WHAMM: variants seen among roughly 807,000 people sequenced by gnomAD.
WHAMM encodes the protein WASP homolog-associated protein with actin, membranes and microtubules.
In WHAMM, 67 loss-of-function variants were observed where a neutral mutation model predicts 76.5. The observed-to-expected ratio is 0.88, with a 90% CI of 0.72 to 1.07. The LOEUF (loss-of-function observed/expected upper bound fraction) is 1.07, where lower values mean the gene tolerates loss of function less well. WHAMM is among the 50% of genes least tolerant of loss of function. The pLI, the probability that WHAMM is intolerant of heterozygous loss-of-function variation, is 0.00. For missense variants in WHAMM, 1,021 were observed against 1,051.1 expected, an observed-to-expected ratio of 0.97 and a Z score of 0.40; for synonymous variants, 419 against 422.1, an observed-to-expected ratio of 0.99 and a Z score of 0.09.
In WHAMM at chr15:82,833,717, T is replaced by TCTCA. The variant is rs2051079371; in HGVS notation, c.*185_*188dup. ...TTTTTTTTTCTTTTTTGAGATGGAG[T>TCTCA]CTCACTCTGTCGCCCAGGCTGGGGT... On this transcript the variant is annotated 3_prime_UTR_variant, in exon 10 of 10. Coordinates refer to ENST00000286760, the MANE Select transcript of WHAMM (RefSeq NM_001080435.3). The TCTCA allele has an allele frequency of 3.1e-6, 2 of 637,082 alleles. No homozygotes were observed. The highest frequency in any genetic ancestry group is 2.6e-6 in the Non-Finnish European group (1 of 383,926). 39.5% of individuals were successfully genotyped at this position (637,082 alleles called of 1,614,324 possible).
intron 2 of WHAMM, among the ~76,000 whole-genome samples, chr15:82,814,415 A>C (rs555371377): frequency 7.2e-5 from 11 of 152,286 alleles, no homozygotes; most frequent in African/African-American, 2.4e-4. Flanking sequence ...TTGAAAGTCT[A>C]TTATTTGGAA....
rs202021619 is a variant in WHAMM at position 82,823,299 on chromosome 15, C to T, written c.1458+12C>T. 457 of 1,421,120 alleles carry T rather than the reference C, an allele frequency of 3.2e-4. 1 individual carries two copies. Among genetic ancestry groups the T allele is most frequent in the Middle Eastern group, 7.6e-4 (4 of 5,278 alleles). 88.0% of individuals were successfully genotyped at this position (1,421,120 alleles called of 1,614,324 possible). On this transcript the variant is annotated intron_variant, in intron 6 of 9. Transcript: ENST00000286760. ...TCCGGAGTAGAAAGGTAGGTACGCT[C>T]AGAGCGGCTTTCTTTTCTTTTCTCT...
At position 82,818,033 on chromosome 15, in the gene WHAMM, C is replaced by A. The variant is rs1470457653; in HGVS notation, c.1048C>A (p.Leu350Ile). 6.4e-7 allele frequency: 1 copy of A among 1,550,910 alleles called. No individual in the cohort carries two copies. Residue 350 changes from leucine to isoleucine, a missense_variant, in exon 4 of 10, where the codon CTC becomes ATC. Around this residue, in one of 3 missense-constraint regions of WHAMM, gnomAD observed 501 missense variants for 524.9 expected, o/e 0.95. Transcript: ENST00000286760. ...QLMLARETLQ[L>I]MRAKELCLNH... ...AATGCTAGCTCGAGAGACTCTGCAA[C>A]TCATGAGAGCGAAAGAGTTGTGTTT...
chr15:82,822,171 T>C (rs2050838756), intron 5 of WHAMM, among the ~76,000 whole-genome samples: 1 of 152,162 alleles, frequency 6.6e-6, no homozygotes, highest in Non-Finnish European at 1.5e-5. Flanking sequence ...AAAAAATCAA[T>C]ATGTAATCAA....
chr15:82,821,422 A>G (rs2050824984), intron 5 of WHAMM, among the ~76,000 whole-genome samples: 1 of 152,120 alleles, frequency 6.6e-6, no homozygotes, highest in Non-Finnish European at 1.5e-5. Flanking sequence ...ATTTATTTTG[A>G]TTGTCGTAGG....
At chr15:82,813,644 T>A (rs1029665670) in intron 2 of WHAMM, among the ~76,000 whole-genome samples, 1 of 141,192 alleles carries the variant, frequency 7.1e-6, no homozygotes, top group African/African-American at 2.6e-5. Flanking sequence ...TTTCTGGTGA[T>A]GAATTTTTTT....
rs770884444 is a variant in WHAMM at position 82,830,901 on chromosome 15, A to ACCG, written c.1950_1952dup (p.Pro658dup). The ACCG allele has an allele frequency of 6.8e-6, 9 of 1,322,944 alleles. No individual in the cohort carries two copies. The highest frequency in any genetic ancestry group is 4.7e-5 in the African/African-American group (3 of 64,286). 82.0% of individuals were successfully genotyped at this position (1,322,944 alleles called of 1,614,324 possible). A position where few individuals can be genotyped will look rare whatever the true frequency, so the allele number is the denominator to read the frequency against. ...CACCTCCTCCTCCTCCACCACCACC[A>ACCG]CCGCCGCCACCGCCGCCCCCACCCC... On this transcript the variant is annotated inframe_insertion, in exon 9 of 10. Transcript: ENST00000286760.
At chr15:82,816,315 C>T (rs1292477132) in intron 2 of WHAMM, among the ~76,000 whole-genome samples, 6 of 152,176 alleles carry the variant, frequency 3.9e-5, no homozygotes, top group Admixed American at 3.9e-4. Flanking sequence ...GTAACAACAG[C>T]TAATACTTAA....
At chr15:82,823,402 G>A in intron 6 of WHAMM, 115 bp downstream of exon 6, 1 of 910,868 alleles carries the variant, frequency 1.1e-6, no homozygotes, top group Non-Finnish European at 1.5e-6. Context: ...CATTTTGTGT[G>A]CTTATGTACT....
intron 8 of WHAMM, among the ~76,000 whole-genome samples, chr15:82,829,522 G>T (rs778075951): frequency 3.9e-5 from 6 of 152,254 alleles, no homozygotes; most frequent in Non-Finnish European, 8.8e-5. Flanking sequence ...ACAGAAGGCT[G>T]CAGGACGGCA....
intron 8 of WHAMM, 50 bp downstream of exon 8, chr15:82,826,896 A>C (rs2050945832): frequency 1.3e-6 from 2 of 1,499,038 alleles, no homozygotes; most frequent in Non-Finnish European, 1.8e-6. Flanking sequence ...GAAATAACTG[A>C]AGACCACCCT....
At chr15:82,815,950 A>G (rs1453321252) in intron 2 of WHAMM, among the ~76,000 whole-genome samples, 2 of 152,082 alleles carry the variant, frequency 1.3e-5, no homozygotes, top group African/African-American at 2.4e-5. Context: ...TTTTTTTCAC[A>G]GTTCTGGAGG....
chr15:82,818,756 C>T (rs1462630494), intron 4 of WHAMM, among the ~76,000 whole-genome samples: 1 of 152,228 alleles, frequency 6.6e-6, no homozygotes, highest in Non-Finnish European at 1.5e-5. Context: ...GTGGCTTAAA[C>T]AACGGACATG....
chr15:82,818,632 G>T (rs1566993491), intron 4 of WHAMM, among the ~76,000 whole-genome samples: 1 of 152,196 alleles, frequency 6.6e-6, no homozygotes, highest in African/African-American at 2.4e-5. Flanking sequence ...ATACTTCACT[G>T]CATAGTCACT....
Position 82,831,007 on chromosome 15 carries a change from C to T in WHAMM, c.2050C>T (p.Gln684Ter), listed in dbSNP as rs1473681597. The T allele has an allele frequency of 1.9e-6, 3 of 1,611,686 alleles. No homozygotes were observed. Among genetic ancestry groups the T allele is most frequent in the East Asian group, 2.2e-5 (1 of 44,842 alleles). ...CTTCCGGGCTCCAGTGAAAGATGACCAGCCACGTCCTCTAGTGTGCGAATC... is the reference window on the plus strand; with the variant it reads ...CTTCCGGGCTCCAGTGAAAGATGACTAGCCACGTCCTCTAGTGTGCGAATC... ...LGFRAPVKDDQPRPLVCESPA... is the reference protein window; with the variant it reads ...LGFRAPVKDD The change falls in exon 9 of 10, where the codon CAG (glutamine) becomes TAG (stop). Residue 684 changes from glutamine to a stop codon, truncating the protein, a stop_gained. Transcript: ENST00000286760. LOFTEE classifies it high-confidence loss of function.
At chr15:82,824,208 A>T (rs1447134108) in intron 6 of WHAMM, among the ~76,000 whole-genome samples, 2 of 129,806 alleles carry the variant, frequency 1.5e-5, no homozygotes, top group African/African-American at 2.9e-5. Flanking sequence ...CCTAGTCTGG[A>T]GTGCAATGGC....
chr15:82,830,996 T>C lies in WHAMM; in HGVS notation c.2039T>C (p.Val680Ala), dbSNP rs1313574228. The C allele has an allele frequency of 6.2e-7, 1 of 1,606,706 alleles. No homozygotes were observed. The highest frequency in any genetic ancestry group is 1.7e-5 in the Admixed American group (1 of 59,016). The change falls in exon 9 of 10, where the codon GTG (valine) becomes GCG (alanine). Residue 680 changes from valine to alanine, a missense_variant. Around this residue, in one of 3 missense-constraint regions of WHAMM, gnomAD observed 509 missense variants for 492.3 expected, o/e 1.03. Transcript: ENST00000286760. ...CAGAACTTAGGCTTCCGGGCTCCAG[T>C]GAAAGATGACCAGCCACGTCCTCTA... ...THQNLGFRAPVKDDQPRPLVC... is the reference protein window; with the variant it reads ...THQNLGFRAPAKDDQPRPLVC...
At chr15:82,831,910 T>C (rs1000393073) in intron 9 of WHAMM, among the ~76,000 whole-genome samples, 7 of 152,254 alleles carry the variant, frequency 4.6e-5, no homozygotes, top group Admixed American at 6.5e-5. Context: ...ATGAATGATA[T>C]AGCAGTTCCA....
intron 9 of WHAMM, among the ~76,000 whole-genome samples, chr15:82,832,495 T>A (rs1270259910): frequency 1.3e-5 from 2 of 151,968 alleles, no homozygotes; most frequent in Non-Finnish European, 2.9e-5. Context: ...GGTGCCAGAG[T>A]GAAAAATAGC....
Sources: gnomAD v4.1 joint callset for allele counts (sites outside exome capture counted in the v4.1 genomes callset) on GRCh38, gnomAD v4.1.1 for gene constraint, gnomAD v4.1.1 regional missense constraint, MANE v1.5 for transcripts, NCBI Gene and HGNC (gene_info 2026-07-23, HGNC 2026-07-21) for gene names.